Variants in VPS4A observed in about 807,000 individuals in gnomAD.
VPS4A encodes the protein vacuolar protein sorting 4 homolog A, also known as vacuolar protein sorting-associated protein 4A.
A neutral mutation model predicts 52.3 loss-of-function variants in VPS4A; 20 were observed. The observed-to-expected ratio is 0.38, with a 90% CI of 0.27 to 0.56. The LOEUF (loss-of-function observed/expected upper bound fraction) is 0.56, where lower values mean the gene tolerates loss of function less well. Ranked by LOEUF, VPS4A falls within the 20% of genes least tolerant of loss-of-function variation. The pLI, the probability that VPS4A is intolerant of heterozygous loss-of-function variation, is 0.72. For synonymous variants in VPS4A, 293 were observed against 227.7 expected (o/e 1.29, Z -2.58); for missense variants, 419 against 575.9 (o/e 0.73, Z 2.79).
At chr16:69,313,543 CTT>C (rs1965401979) in intron 1 of VPS4A, among the ~76,000 whole-genome samples, 1 of 152,118 alleles carries the variant, frequency 6.6e-6, no homozygotes, top group African/African-American at 2.4e-5. Flanking sequence ...TTCATTATGA[CTT>C]AACATAATGT....
chr16:69,315,154 G>A (rs1017745883), intron 1 of VPS4A, among the ~76,000 whole-genome samples: 1 of 152,004 alleles, frequency 6.6e-6, no homozygotes, highest in African/African-American at 2.4e-5. Flanking sequence ...AGCCGAGATC[G>A]CGCCAGTGCA....
intron 3 of VPS4A, 31 bp from the exon 4 acceptor site, chr16:69,318,619 C>T: frequency 6.3e-7 from 1 of 1,587,520 alleles, no homozygotes; most frequent in Non-Finnish European, 8.6e-7. Context: ...GGCTGAAGGG[C>T]CAGCTTGTGA....
rs1343361238 is a variant in VPS4A at position 69,316,234 on chromosome 16, A to C, written c.143A>C (p.His48Pro). 1.2e-6 allele frequency: 2 copies of C among 1,613,464 alleles called. No homozygotes were observed. Among genetic ancestry groups the C allele is most frequent in the Non-Finnish European group, 1.7e-6 (2 of 1,179,880 alleles). The change falls in exon 3 of 11, where the codon CAC becomes CCC. Residue 48 changes from histidine to proline, a missense_variant. Physicochemically the swap from His to Pro is moderately conservative, Grantham distance 77. Around this residue, in one of 3 missense-constraint regions of VPS4A, gnomAD observed 131 missense variants for 165.4 expected, o/e 0.79. Coordinates refer to ENST00000254950, the MANE Select transcript of VPS4A (RefSeq NM_013245.3). ...YFLHAIKYEAHSDKAKESIRA... is the reference protein window; with the variant it reads ...YFLHAIKYEAPSDKAKESIRA... ...GTGTTCCCTTTCACAGATGAGGCCC[A>C]CAGCGACAAGGCCAAGGAGAGCATT... is the stretch of plus-strand genomic sequence containing the variant.
At chr16:69,317,092 C>T (rs1417604036) in intron 3 of VPS4A, among the ~76,000 whole-genome samples, 1 of 152,132 alleles carries the variant, frequency 6.6e-6, no homozygotes, top group Non-Finnish European at 1.5e-5. Context: ...TCACCAGAGG[C>T]GAGGCCTCCT....
Position 69,320,858 on chromosome 16 carries a change from G to A in VPS4A, c.851+89G>A, listed in dbSNP as rs1392230970. ...GCTGCTGGCAGCCCGGGTGCAGCCT[G>A]GCCCCTTTTCCCTGGAGTCTTCCCG... On this transcript the variant is annotated intron_variant, in intron 8 of 10. Transcript: ENST00000254950. This position sits in a 1 kb window ranked among gnomAD's most constrained non-coding sequence, Gnocchi z 4.2. 2 of 1,389,868 alleles carry A rather than the reference G, an allele frequency of 1.4e-6. No individual in the cohort carries two copies. Among genetic ancestry groups the A allele is most frequent in the Admixed American group, 2.0e-5 (1 of 49,346 alleles). The allele number at this position is 1,389,868 out of a possible 1,614,324, so 86.1% of individuals were successfully genotyped here.
rs1435180173 is a variant in VPS4A, at chr16:69,319,653, G to A, written c.620+110G>A. On this transcript the variant is annotated intron_variant, in intron 6 of 10. Transcript: ENST00000254950. ...GAGGAGTGGTTTGGTTTTCAGGGAG[G>A]GTACCCAAGAGCAGTGTGTCGCTAG... The A allele has an allele frequency of 4.8e-5, 68 of 1,404,344 alleles. No individual in the cohort carries two copies. In the Middle Eastern group the frequency reaches 1.3e-3, roughly 26 times the overall value. The allele number at this position is 1,404,344 out of a possible 1,614,324, so 87.0% of individuals were successfully genotyped here.
Position 69,320,439 on chromosome 16 carries a change from T to A in VPS4A, c.769+150T>A, listed in dbSNP as rs1378543541. On this transcript the variant is annotated intron_variant, in intron 7 of 10. Transcript: ENST00000254950. The surrounding 1 kb of genome is among the most constrained non-coding windows in gnomAD (Gnocchi z 4.2). ...CCTCAGGGCACGGGTGGACTTCAAT[T>A]CCCAAGAGGTGCCTGAGGCCTCTGC... 1 of 1,173,536 alleles carries A rather than the reference T, an allele frequency of 8.5e-7. No individual in the cohort carries two copies. The highest frequency in any genetic ancestry group is 1.6e-5 in the African/African-American group (1 of 64,514). The allele number at this position is 1,173,536 out of a possible 1,614,324, so 72.7% of individuals were successfully genotyped here.
rs990109909 is a variant in VPS4A at position 69,326,899 on chromosome 16, G to T, written c.*2590G>T. ...AGTGCTTCCTGCTCAAAGTGGGAGA[G>T]ATTTTACTGGAAATGCAATAAAGTT... is the stretch of plus-strand genomic sequence containing the variant. On this transcript the variant is annotated 3_prime_UTR_variant, in exon 11 of 11. Transcript: ENST00000254950. 1 of 152,170 alleles carries T rather than the reference G, an allele frequency of 6.6e-6. No homozygotes were observed. The highest frequency in any genetic ancestry group is 1.5e-5 in the Non-Finnish European group (1 of 68,032). 9.4% of individuals were successfully genotyped at this position (152,170 alleles called of 1,614,324 possible). A position where few individuals can be genotyped will look rare whatever the true frequency, so the allele number is the denominator to read the frequency against.
chr16:69,315,304 C>A (rs1400228234), intron 1 of VPS4A, among the ~76,000 whole-genome samples: 1 of 152,210 alleles, frequency 6.6e-6, no homozygotes, highest in Non-Finnish European at 1.5e-5. Context: ...TCTCACAGAG[C>A]TCTTAGAAGG....
At chr16:69,313,985 CTT>C (rs71383985) in intron 1 of VPS4A, among the ~76,000 whole-genome samples, 24 of 118,654 alleles carry the variant, frequency 2.0e-4, no homozygotes, top group South Asian at 1.1e-3. Context: ...CCAGTGCACT[CTT>C]TTTTTTTTTT....
Position 69,318,841 on chromosome 16 carries a change from A to G in VPS4A, c.362A>G (p.Lys121Arg). ...CTCGCAGGTGCCGTCGTGATGGAGA[A>G]GCCCAACATACGGTGGAACGACGTG... Reference protein sequence around the residue: ...EQLMGAVVMEKPNIRWNDVAG... With the variant: ...EQLMGAVVMERPNIRWNDVAG... Residue 121 changes from lysine (K) to arginine (R), a missense_variant, in exon 5 of 11, where the codon AAG (lysine) becomes AGG (arginine). Around this residue, in one of 3 missense-constraint regions of VPS4A, gnomAD observed 131 missense variants for 165.4 expected, o/e 0.79. Transcript: ENST00000254950. 1.9e-6 allele frequency: 3 copies of G among 1,613,442 alleles called. No individual in the cohort carries two copies. The highest frequency in any genetic ancestry group is 2.5e-6 in the Non-Finnish European group (3 of 1,179,684).
chr16:69,321,434 T>A lies in VPS4A; in HGVS notation c.1071+164T>A. ...AGTGCCATGGGGGCTGCACCCACTG[T>A]CCCCTCCCTGCAGCTCTTCTGGAGT... is the stretch of plus-strand genomic sequence containing the variant. On this transcript the variant is annotated intron_variant, in intron 9 of 10. Coordinates refer to ENST00000254950, the MANE Select transcript of VPS4A (RefSeq NM_013245.3). This position sits in a 1 kb window ranked among gnomAD's most constrained non-coding sequence, Gnocchi z 4.5. 5.6e-6 allele frequency: 4 copies of A among 708,208 alleles called. No individual in the cohort carries two copies. The highest frequency in any genetic ancestry group is 1.9e-5 in the South Asian group (1 of 52,926). The allele number at this position is 708,208 out of a possible 1,614,324, so 43.9% of individuals were successfully genotyped here. A position where few individuals can be genotyped will look rare whatever the true frequency, so the allele number is the denominator to read the frequency against.
intron 3 of VPS4A, among the ~76,000 whole-genome samples, chr16:69,317,190 A>G (rs1218888702): frequency 1.3e-5 from 2 of 152,148 alleles, no homozygotes; most frequent in Non-Finnish European, 2.9e-5. Flanking sequence ...TCCAATAAGG[A>G]TTAAATCAAG....
intron 10 of VPS4A, chr16:69,323,453 C>T: frequency 3.0e-6 from 1 of 336,972 alleles, no homozygotes; most frequent in South Asian, 2.2e-5. Context: ...CCACACCTAG[C>T]CTGCATTTTA....
chr16:69,319,718 G>A (rs1965486480), intron 6 of VPS4A, among the ~76,000 whole-genome samples, 175 bp downstream of exon 6: 1 of 152,202 alleles, frequency 6.6e-6, no homozygotes, highest in African/African-American at 2.4e-5. Flanking sequence ...GACAAGTGAA[G>A]GTGGAAGGGA....
intron 1 of VPS4A, among the ~76,000 whole-genome samples, 169 bp downstream of exon 1, chr16:69,311,701 C>T (rs1035251777): frequency 2.6e-5 from 4 of 152,228 alleles, no homozygotes; most frequent in Admixed American, 1.3e-4. Flanking sequence ...TCCACGCGCT[C>T]GGAGCCGGGT....
At chr16:69,311,576 G>T (rs1965378435) in intron 1 of VPS4A, 44 bp downstream of exon 1, 2 of 1,263,396 alleles carry the variant, frequency 1.6e-6, no homozygotes, top group Middle Eastern at 2.2e-4. Flanking sequence ...CGAAGGCAGC[G>T]GGGCCTGCGG....
At position 69,318,931 on chromosome 16, in the gene VPS4A, A is replaced by C; in HGVS notation, c.452A>C (p.His151Pro). ...EAVILPIKFP[H>P]LFTGKRTPWR... Reference sequence around the variant, plus strand: ...GTCATTTTGCCAATCAAATTCCCACACTTGTTCACAGGTGAGAGTTGAGCC... The same window carrying C: ...GTCATTTTGCCAATCAAATTCCCACCCTTGTTCACAGGTGAGAGTTGAGCC... The change falls in exon 5 of 11, where the codon CAC becomes CCC. Residue 151 changes from histidine to proline, a missense_variant. This residue lies in a region of VPS4A where 103 missense variants were observed against 210.3 expected (regional missense o/e 0.49). Coordinates refer to ENST00000254950, the MANE Select transcript of VPS4A (RefSeq NM_013245.3). 6.2e-7 allele frequency: 1 copy of C among 1,613,204 alleles called. No homozygotes were observed. Among genetic ancestry groups the C allele is most frequent in the Non-Finnish European group, 8.5e-7 (1 of 1,179,744 alleles).
Position 69,319,511 on chromosome 16 carries a change from T to C in VPS4A, c.588T>C (p.Asp196=). The C allele has an allele frequency of 1.2e-6, 2 of 1,613,830 alleles. No individual in the cohort carries two copies. Among genetic ancestry groups the C allele is most frequent in the Non-Finnish European group, 1.7e-6 (2 of 1,179,846 alleles). Residue 196 remains aspartate, a synonymous_variant, in exon 6 of 11, where the codon GAT becomes GAC. Transcript: ENST00000254950. ...NSTFFSVSSS[D]LMSKWLGESE... is the part of the protein sequence containing the mutation. The stretch of plus-strand genomic sequence containing the variant: ...CCTTCTTCTCTGTGTCCTCCTCAGA[T>C]CTGATGTCCAAGTGGCTGGGGGAGA...
Sources: allele counts gnomAD v4.1 joint callset (sites outside exome capture counted in the v4.1 genomes callset), GRCh38; gene constraint gnomAD v4.1.1; regional missense constraint gnomAD v4.1.1; non-coding constraint Gnocchi (gnomAD v3.1); transcripts MANE v1.5; gene names NCBI Gene and HGNC (gene_info 2026-07-23, HGNC 2026-07-21).